Variants in SMAD9 observed in about 807,000 individuals in gnomAD.
SMAD9 encodes the protein MAD homolog 9.
Under a neutral mutation model 46.1 loss-of-function variants are expected in SMAD9, and 36 were observed. That is an observed-to-expected ratio of 0.78 (90% CI 0.60 to 1.03). The LOEUF (loss-of-function observed/expected upper bound fraction) is 1.03. Among genes scored for constraint, SMAD9 ranks in the 50% least tolerant of loss-of-function variants. The pLI, the probability that SMAD9 is intolerant of heterozygous loss-of-function variation, is 0.00. For missense variants in SMAD9, 572 were observed against 599.8 expected (o/e 0.95, Z 0.48); for synonymous variants, 245 against 237.1 (o/e 1.03, Z -0.31).
Position 36,867,270 on chromosome 13 carries a change from T to TA in SMAD9, c.781+2dup, listed in dbSNP as rs1347064833. On this transcript the variant is annotated splice_region_variant and intron_variant, in intron 4 of 6. Transcript: ENST00000379826. ...TACATTTCACTGTTCATCTGCAATTTACCTCCATTTGGTATCGATAGCACT... is the reference window on the plus strand; with the variant it reads ...TACATTTCACTGTTCATCTGCAATTTAACCTCCATTTGGTATCGATAGCACT... 2 of 1,522,254 alleles carry TA rather than the reference T, an allele frequency of 1.3e-6. No individual in the cohort carries two copies. The highest frequency in any genetic ancestry group is 2.8e-5 in the African/African-American group (2 of 72,456). The allele number at this position is 1,522,254 out of a possible 1,614,324, so 94.3% of individuals were successfully genotyped here. A position where few individuals can be genotyped will look rare whatever the true frequency, so the allele number is the denominator to read the frequency against.
At chr13:36,894,675 A>G (rs1311885468) in intron 1 of SMAD9, among the ~76,000 whole-genome samples, 1 of 151,682 alleles carries the variant, frequency 6.6e-6, no homozygotes, top group Admixed American at 6.6e-5. Context: ...AGGTCCAGTC[A>G]CCTCCATGGA....
At chr13:36,874,824 C>T (rs2058330252) in intron 2 of SMAD9, among the ~76,000 whole-genome samples, 1 of 135,612 alleles carries the variant, frequency 7.4e-6, no homozygotes, top group South Asian at 2.3e-4. Flanking sequence ...CACCACTGCA[C>T]TCCAGCCTGG....
At chr13:36,889,160 AT>A (rs1479132344) in intron 1 of SMAD9, among the ~76,000 whole-genome samples, 2 of 151,992 alleles carry the variant, frequency 1.3e-5, no homozygotes, top group Non-Finnish European at 2.9e-5. Flanking sequence ...GCAAAGATTC[AT>A]TTTTTCCCAC....
Position 36,881,311 on chromosome 13 carries a change from A to G in SMAD9, c.-186-1436T>C, listed in dbSNP as rs535882127. On this transcript the variant is annotated intron_variant, in intron 1 of 6. Coordinates refer to ENST00000379826, the MANE Select transcript of SMAD9 (RefSeq NM_001127217.3). ...GTAACATTTTGGAGTAAGCTGACTC[A>G]AGTATTTTGGGATCTTGGAATCGAT... 5.1e-4 allele frequency among the ~76,000 whole-genome samples: 77 copies of G among 152,314 alleles called. 1 individual carries two copies. The highest frequency in any genetic ancestry group is 1.7e-3 in the African/African-American group (70 of 41,562).
intron 1 of SMAD9, among the ~76,000 whole-genome samples, chr13:36,902,710 C>T (rs1243530332): frequency 6.6e-6 from 1 of 152,180 alleles, no homozygotes; most frequent in Non-Finnish European, 1.5e-5. Flanking sequence ...CTCATCTCGG[C>T]CTCCCAAAGT....
At chr13:36,892,872 CCA>C (rs1440202781) in intron 1 of SMAD9, among the ~76,000 whole-genome samples, 2 of 152,176 alleles carry the variant, frequency 1.3e-5, no homozygotes, top group Non-Finnish European at 2.9e-5. Flanking sequence ...TCAGCATTCT[CCA>C]GTCTTCTAGA....
chr13:36,882,237 G>C (rs1024929773), intron 1 of SMAD9, among the ~76,000 whole-genome samples: 1 of 147,876 alleles, frequency 6.8e-6, no homozygotes, highest in African/African-American at 2.7e-5. Context: ...CTGTGTGTGT[G>C]TGTGTGTGTG....
intron 6 of SMAD9, among the ~76,000 whole-genome samples, chr13:36,853,180 G>T (rs1343898229): frequency 6.6e-6 from 1 of 152,140 alleles, no homozygotes; most frequent in Non-Finnish European, 1.5e-5. Context: ...AGCTACCCGG[G>T]AGGCTGAGGT....
At chr13:36,851,809 T>C (rs765390209) in intron 6 of SMAD9, 15 of 980,562 alleles carry the variant, frequency 1.5e-5, no homozygotes, top group Non-Finnish European at 1.8e-5. Flanking sequence ...TTGTCTTCTG[T>C]GTCAATTGTG....
At chr13:36,919,615 C>T (rs1300871243) in intron 1 of SMAD9, among the ~76,000 whole-genome samples, 1 of 151,280 alleles carries the variant, frequency 6.6e-6, no homozygotes. Context: ...TGTCCCCTAT[C>T]TCCAGCTACA....
intron 3 of SMAD9, among the ~76,000 whole-genome samples, chr13:36,870,989 C>T (rs1566021572): frequency 2.0e-5 from 3 of 152,182 alleles, no homozygotes; most frequent in Admixed American, 2.0e-4. Context: ...TTCATCCCCA[C>T]ATACAATTTA....
Position 36,848,684 on chromosome 13 carries a change from C to T in SMAD9, c.1396G>A (p.Val466Met). ...AGCTTAAGACATGACTGTTAAGACA[C>T]TGAAGAAATGGGGTTATGTGGAGAG... ...MGSPHNPISS[V>M]S Residue 466 changes from valine (V) to methionine (M), a missense_variant, in exon 7 of 7, where the codon GTG (valine) becomes ATG (methionine). Transcript: ENST00000379826. 6.2e-7 allele frequency: 1 copy of T among 1,614,184 alleles called. No individual in the cohort carries two copies. Among genetic ancestry groups the T allele is most frequent in the South Asian group, 1.1e-5 (1 of 91,082 alleles).
intron 1 of SMAD9, among the ~76,000 whole-genome samples, chr13:36,881,131 A>G (rs904843769): frequency 6.6e-6 from 1 of 152,164 alleles, no homozygotes; most frequent in African/African-American, 2.4e-5. Context: ...CATCCACAGG[A>G]GATGTTCTTT....
At chr13:36,858,812 A>G (rs764773631) in intron 5 of SMAD9, among the ~76,000 whole-genome samples, 1 of 152,216 alleles carries the variant, frequency 6.6e-6, no homozygotes, top group Non-Finnish European at 1.5e-5. Context: ...AGTCTTTTTT[A>G]TGTGTTTTTG....
At chr13:36,889,960 G>A (rs962513318) in intron 1 of SMAD9, among the ~76,000 whole-genome samples, 3 of 150,976 alleles carry the variant, frequency 2.0e-5, no homozygotes, top group Non-Finnish European at 4.4e-5. Context: ...ATAAACTTAG[G>A]AAAGATTATT....
chr13:36,876,183 G>A (rs58166266), intron 2 of SMAD9, among the ~76,000 whole-genome samples: 3 of 132,932 alleles, frequency 2.3e-5, no homozygotes, highest in African/African-American at 3.7e-5. Flanking sequence ...TGTCACACGG[G>A]GGGAGACAGC....
At chr13:36,905,337 T>C (rs1040087574) in intron 1 of SMAD9, among the ~76,000 whole-genome samples, 5 of 152,312 alleles carry the variant, frequency 3.3e-5, no homozygotes, top group Non-Finnish European at 5.9e-5. Context: ...ATCATTCTTA[T>C]CCTGTTCAAA....
At position 36,865,694 on chromosome 13, in the gene SMAD9, GTTCA is replaced by G; in HGVS notation, c.842_845del (p.Leu281ProfsTer17). ...CCTGGAATGTCTCCCCAACTCGGTTGTTCAGTTCATAGTAGGCGACCGAGCACCA... is the reference window on the plus strand; with the variant it reads ...CCTGGAATGTCTCCCCAACTCGGTTGGTTCATAGTAGGCGACCGAGCACCA... On this transcript the variant is annotated frameshift_variant, in exon 5 of 7. Transcript: ENST00000379826. LOFTEE classifies it high-confidence loss of function. The G allele has an allele frequency of 6.2e-7, 1 of 1,614,144 alleles. No homozygotes were observed. Among genetic ancestry groups the G allele is most frequent in the Non-Finnish European group, 8.5e-7 (1 of 1,180,014 alleles).
intron 3 of SMAD9, 114 bp downstream of exon 3, chr13:36,872,544 T>C: frequency 4.0e-6 from 5 of 1,244,838 alleles, no homozygotes; most frequent in Non-Finnish European, 5.9e-6. Flanking sequence ...CTTTGTAAAC[T>C]GTTTATACTA....
Sources: gnomAD v4.1 joint callset for allele counts (sites outside exome capture counted in the v4.1 genomes callset) on GRCh38, gnomAD v4.1.1 for gene constraint, MANE v1.5 for transcripts, NCBI Gene and HGNC (gene_info 2026-07-23, HGNC 2026-07-21) for gene names.